CDC23: variants seen among roughly 807,000 people sequenced by gnomAD.
CDC23 encodes the protein cell division cycle protein 23 homolog.
Under a neutral mutation model 81.7 loss-of-function variants are expected in CDC23, and 26 were observed. The observed-to-expected ratio is 0.32, with a 90% CI of 0.23 to 0.44. The LOEUF is 0.44. CDC23 is among the 20% of genes least tolerant of loss of function. The pLI is 1.00. For synonymous variants in CDC23, 267 were observed against 270.8 expected, an observed-to-expected ratio of 0.99 and a Z score of 0.14; for missense variants, 519 against 728.0, an observed-to-expected ratio of 0.71 and a Z score of 3.30.
At chr5:138,196,202 A>C (rs950644366) in intron 9 of CDC23, among the ~76,000 whole-genome samples, 2 of 152,144 alleles carry the variant, frequency 1.3e-5, no homozygotes, top group African/African-American at 4.8e-5. Flanking sequence ...TATTAAGGAA[A>C]AAAAACACAA....
At position 138,188,782 on chromosome 5, in the gene CDC23, G is replaced by T. The variant is rs1357797179; in HGVS notation, c.*196C>A. The stretch of plus-strand genomic sequence containing the variant: ...AGTGAGACAGAAGTACTTCTAACTG[G>T]CAAGATAATGTCTGTTCCTGCCAGG... On this transcript the variant is annotated 3_prime_UTR_variant, in exon 16 of 16. Coordinates refer to ENST00000394886, the MANE Select transcript of CDC23 (RefSeq NM_004661.4). 1 of 465,336 alleles carries T rather than the reference G, an allele frequency of 2.1e-6. No individual in the cohort carries two copies. Among genetic ancestry groups the T allele is most frequent in the Non-Finnish European group, 3.8e-6 (1 of 266,318 alleles). The allele number at this position is 465,336 out of a possible 1,614,324, so 28.8% of individuals were successfully genotyped here.
In CDC23 at chr5:138,192,674, C is replaced by G; in HGVS notation, c.1013-17G>C. The G allele has an allele frequency of 6.3e-7, 1 of 1,590,552 alleles. No individual in the cohort carries two copies. Among genetic ancestry groups the G allele is most frequent in the African/African-American group, 1.4e-5 (1 of 73,378 alleles). ...AATAATTGCCTGATTAAAAATCAAA[C>G]AAAAAAATGAATAATCAGAAAGGTA... On this transcript the variant is annotated splice_polypyrimidine_tract_variant and intron_variant, in intron 9 of 15. Coordinates refer to ENST00000394886, the MANE Select transcript of CDC23 (RefSeq NM_004661.4).
intron 13 of CDC23, among the ~76,000 whole-genome samples, chr5:138,190,749 A>G (rs565566533): frequency 1.3e-5 from 2 of 152,292 alleles, no homozygotes; most frequent in African/African-American, 4.8e-5. Flanking sequence ...TCAAAAAAAA[A>G]AGATAACAAG....
At chr5:138,202,067 G>GC in intron 4 of CDC23, 46 bp downstream of exon 4, 2 of 1,457,686 alleles carry the variant, frequency 1.4e-6, no homozygotes, top group Non-Finnish European at 1.9e-6. Context: ...ATTTAAGTTT[G>GC]CAACCCTGCT....
Position 138,188,100 on chromosome 5 carries a change from T to C in CDC23, c.*878A>G, listed in dbSNP as rs982569537. The C allele has an allele frequency of 3.9e-5, 6 of 152,116 alleles. No homozygotes were observed. The highest frequency in any genetic ancestry group is 1.4e-4 in the African/African-American group (6 of 41,478). 9.4% of individuals were successfully genotyped at this position (152,116 alleles called of 1,614,324 possible). ...TCATCTAGATAAAGGCTGAAAAAAA[T>C]GTATTCTGTTGCAGATGGGAGGGAA... is the stretch of plus-strand genomic sequence containing the variant. On this transcript the variant is annotated 3_prime_UTR_variant, in exon 16 of 16. Transcript: ENST00000394886.
chr5:138,195,862 C>T (rs1269462626), intron 9 of CDC23, among the ~76,000 whole-genome samples: 2 of 138,524 alleles, frequency 1.4e-5, no homozygotes, highest in Non-Finnish European at 1.5e-5. Flanking sequence ...AAAATGCTGC[C>T]GCTCAAGTAG....
At chr5:138,195,590 A>AATATATTTATATATATTATAT (rs1754881804) in intron 9 of CDC23, among the ~76,000 whole-genome samples, 3 of 58,578 alleles carry the variant, frequency 5.1e-5, no homozygotes, top group Non-Finnish European at 1.2e-4. Flanking sequence ...TATTATATAT[A>AATATATTTATATATATTATAT]ATATATATTA....
intron 3 of CDC23, 72 bp downstream of exon 3, chr5:138,206,475 T>C: frequency 6.5e-7 from 1 of 1,527,478 alleles, no homozygotes; most frequent in South Asian, 1.1e-5. Flanking sequence ...ATTTAAAAGA[T>C]TTAACTTTTC....
chr5:138,211,353 G>A (rs561765804), intron 2 of CDC23, among the ~76,000 whole-genome samples: 1 of 152,282 alleles, frequency 6.6e-6, no homozygotes, highest in East Asian at 1.9e-4. Flanking sequence ...ACAGACACCA[G>A]GGACTCCAAG....
chr5:138,195,571 TATATA>T (rs534655546), intron 9 of CDC23, among the ~76,000 whole-genome samples: 33,455 of 114,762 alleles, frequency 0.29, 5,786 homozygotes, highest in South Asian at 0.42. Flanking sequence ...AATATATTTA[TATATA>T]ATATATTATA....
chr5:138,194,055 T>C (rs530986617), intron 9 of CDC23, among the ~76,000 whole-genome samples: 1 of 152,260 alleles, frequency 6.6e-6, no homozygotes, highest in South Asian at 2.1e-4. Context: ...AGTGAAAGAT[T>C]TCAGCTGAAG....
chr5:138,192,200 T>G, intron 11 of CDC23, 69 bp downstream of exon 11: 1 of 1,586,192 alleles, frequency 6.3e-7, no homozygotes, highest in Non-Finnish European at 8.6e-7. Context: ...TGTCAATAGC[T>G]ATCAAAAGAG....
intron 3 of CDC23, among the ~76,000 whole-genome samples, chr5:138,205,103 C>T (rs1410307324): frequency 2.6e-5 from 4 of 151,944 alleles, no homozygotes; most frequent in Admixed American, 6.6e-5. Context: ...TTTGTAGAGA[C>T]GGGGTTTCAC....
In CDC23 at chr5:138,188,494, GA is replaced by G. The variant is rs999196997; in HGVS notation, c.*483del. 2 of 152,754 alleles carry G rather than the reference GA, an allele frequency of 1.3e-5. No individual in the cohort carries two copies. The highest frequency in any genetic ancestry group is 2.9e-5 in the Non-Finnish European group (2 of 68,552). The allele number at this position is 152,754 out of a possible 1,614,324, so 9.5% of individuals were successfully genotyped here. A position where few individuals can be genotyped will look rare whatever the true frequency, so the allele number is the denominator to read the frequency against. On this transcript the variant is annotated 3_prime_UTR_variant, in exon 16 of 16. Coordinates refer to ENST00000394886, the MANE Select transcript of CDC23 (RefSeq NM_004661.4). ...CATTTAAACCTAATCTCTGACATCAGAATAGGGATCATGCTCAGCAAATCCA... is the reference window on the plus strand; with the variant it reads ...CATTTAAACCTAATCTCTGACATCAGATAGGGATCATGCTCAGCAAATCCA...
chr5:138,203,531 T>C (rs1755013720), intron 3 of CDC23, among the ~76,000 whole-genome samples: 1 of 152,164 alleles, frequency 6.6e-6, no homozygotes, highest in African/African-American at 2.4e-5. Context: ...CTGTTTCAGA[T>C]TAGCGGAGAT....
At chr5:138,198,128 T>G in intron 9 of CDC23, 71 bp downstream of exon 9, 1 of 1,151,258 alleles carries the variant, frequency 8.7e-7, no homozygotes, top group South Asian at 1.3e-5. Flanking sequence ...CCTAGCTAAT[T>G]GTGGTTATTT....
In CDC23 at chr5:138,202,262, A is replaced by G. The variant is rs926730702; in HGVS notation, c.373-107T>C. On this transcript the variant is annotated intron_variant, in intron 3 of 15. Coordinates refer to ENST00000394886, the MANE Select transcript of CDC23 (RefSeq NM_004661.4). ...AAGGGCCAAGTTCAACCAAAATGGC[A>G]TCGACTTTTGGTCATTATTTATTTA... is the stretch of plus-strand genomic sequence containing the variant. 7 of 735,102 alleles carry G rather than the reference A, an allele frequency of 9.5e-6. No individual in the cohort carries two copies. In the African/African-American group the frequency reaches 1.3e-4, roughly 13 times the overall value. 45.5% of individuals were successfully genotyped at this position (735,102 alleles called of 1,614,324 possible). A position where few individuals can be genotyped will look rare whatever the true frequency, so the allele number is the denominator to read the frequency against.
In CDC23 at chr5:138,189,103, G is replaced by A. The variant is rs1413455263; in HGVS notation, c.1669C>T (p.Arg557Trp). 6.2e-7 allele frequency: 1 copy of A among 1,614,154 alleles called. No individual in the cohort carries two copies. The change falls in exon 16 of 16, where the codon CGG becomes TGG. Residue 557 changes from arginine (R) to tryptophan (W), a missense_variant. By Grantham distance (101) the Arg-to-Trp change is moderately radical. Transcript: ENST00000394886. ...KALLRQILQL[R>W]NQGETPTTEV... ...GTGGTAGGAGTCTCGCCTTGGTTCCGAAGCTGTAGGATTTGCCGGAGTAAG... is the reference window on the plus strand; with the variant it reads ...GTGGTAGGAGTCTCGCCTTGGTTCCAAAGCTGTAGGATTTGCCGGAGTAAG...
chr5:138,192,983 G>T (rs1754843091), intron 9 of CDC23, among the ~76,000 whole-genome samples: 1 of 152,134 alleles, frequency 6.6e-6, no homozygotes, highest in East Asian at 1.9e-4. Flanking sequence ...AGGCTGGAAA[G>T]CAGTAGTGTA....
Sources: gnomAD v4.1 joint callset for allele counts (sites outside exome capture counted in the v4.1 genomes callset) on GRCh38, gnomAD v4.1.1 for gene constraint, MANE v1.5 for transcripts, NCBI Gene and HGNC (gene_info 2026-07-23, HGNC 2026-07-21) for gene names.